KIAA1217: variants seen among roughly 807,000 people sequenced by gnomAD.
The protein encoded by KIAA1217 is sickle tail protein homolog.
In KIAA1217, 88 loss-of-function variants were observed where a neutral mutation model predicts 163.9. The observed-to-expected ratio is 0.54, with a 90% confidence interval of 0.45 to 0.64. The LOEUF is 0.64. KIAA1217 is among the 30% of genes least tolerant of loss of function. The pLI is 0.00. For synonymous variants in KIAA1217, 903 were observed against 923.1 expected (o/e 0.98, Z 0.39); for missense variants, 2,372 against 2,475.0 (o/e 0.96, Z 0.88).
intron 1 of KIAA1217, among the ~76,000 whole-genome samples, chr10:24,001,925 G>A (rs919798555): frequency 6.6e-6 from 1 of 152,102 alleles, no homozygotes; most frequent in Admixed American, 6.5e-5. Context: ...GGCAGATACT[G>A]GATATTCCAG....
chr10:24,015,196 G>T (rs1408541684), intron 2 of KIAA1217, among the ~76,000 whole-genome samples: 2 of 152,082 alleles, frequency 1.3e-5, no homozygotes, highest in Admixed American at 1.3e-4. Context: ...TTCCTATAAA[G>T]GGCTGTACAA....
chr10:24,208,508 G>T (rs1355159482), upstream of KIAA1217, among the ~76,000 whole-genome samples: 2 of 151,930 alleles, frequency 1.3e-5, no homozygotes, highest in Admixed American at 6.6e-5. Flanking sequence ...TGCAAATGAC[G>T]CTATACCTCT....
chr10:23,740,616 T>C (rs1309966943), intron 1 of KIAA1217, among the ~76,000 whole-genome samples: 1 of 152,120 alleles, frequency 6.6e-6, no homozygotes, highest in Non-Finnish European at 1.5e-5. Flanking sequence ...CATCTTGGCC[T>C]CCCAAGGTGC....
At chr10:23,837,737 C>T (rs1317602251) in intron 1 of KIAA1217, among the ~76,000 whole-genome samples, 1 of 152,030 alleles carries the variant, frequency 6.6e-6, no homozygotes, top group African/African-American at 2.4e-5. Context: ...GATGGGGTCT[C>T]ACTGTGTTGC....
chr10:24,294,553 T>C (rs909671718), intron 2 of KIAA1217, among the ~76,000 whole-genome samples: 4 of 152,116 alleles, frequency 2.6e-5, no homozygotes, highest in Non-Finnish European at 4.4e-5. Context: ...GAGGAGGAAA[T>C]AGACCACCGT....
At chr10:24,074,912 T>A (rs2061319639) in intron 2 of KIAA1217, among the ~76,000 whole-genome samples, 2 of 152,034 alleles carry the variant, frequency 1.3e-5, no homozygotes, top group African/African-American at 4.8e-5. Flanking sequence ...TTGTCCAGAT[T>A]GGCCTTGAAC....
chr10:24,457,173 A>C (rs1488085630), intron 5 of KIAA1217, among the ~76,000 whole-genome samples: 1 of 152,066 alleles, frequency 6.6e-6, no homozygotes, highest in East Asian at 1.9e-4. Flanking sequence ...TGTTGCTCTA[A>C]CGTTGCTTTT....
chr10:23,749,747 T>G (rs1238937541), intron 1 of KIAA1217, among the ~76,000 whole-genome samples: 4 of 152,194 alleles, frequency 2.6e-5, no homozygotes, highest in African/African-American at 9.6e-5. Context: ...CTACCTGTGA[T>G]TTCTGTCTTT....
intron 1 of KIAA1217, among the ~76,000 whole-genome samples, chr10:23,925,729 T>TAGAC (rs2131300751): frequency 6.6e-6 from 1 of 152,280 alleles, no homozygotes; most frequent in African/African-American, 2.4e-5. Context: ...TAAGTGACTG[T>TAGAC]AGACAGACTG....
intron 1 of KIAA1217, among the ~76,000 whole-genome samples, chr10:23,824,658 A>AAATTATATATAT (rs1837805755): frequency 1.9e-5 from 1 of 53,040 alleles, no homozygotes; most frequent in African/African-American, 6.5e-5. Context: ...AAATAAAAAA[A>AAATTATATATAT]ATATATATAT....
chr10:23,806,528 C>T (rs1399910982), intron 1 of KIAA1217, among the ~76,000 whole-genome samples: 1 of 151,996 alleles, frequency 6.6e-6, no homozygotes, highest in African/African-American at 2.4e-5. Context: ...CTAAGGATAC[C>T]ATTTTGCATT....
intron 2 of KIAA1217, among the ~76,000 whole-genome samples, chr10:24,032,788 C>T (rs936110918): frequency 2.6e-5 from 4 of 152,140 alleles, no homozygotes; most frequent in South Asian, 2.1e-4. Flanking sequence ...TTAGATTATA[C>T]GTTCAATAAT....
intron 1 of KIAA1217, among the ~76,000 whole-genome samples, chr10:23,805,787 G>A (rs1836706235): frequency 6.6e-6 from 1 of 151,990 alleles, no homozygotes; most frequent in Admixed American, 6.6e-5. Context: ...GCCGAGGCGG[G>A]TGGGTCCCCT....
chr10:24,382,839 CTTTTCT>C (rs1564580539), intron 3 of KIAA1217, among the ~76,000 whole-genome samples: 1 of 112,328 alleles, frequency 8.9e-6, no homozygotes, highest in East Asian at 2.5e-4. Flanking sequence ...TGTGGTTTTT[CTTTTCT>C]TTTTTTTTTT....
intron 1 of KIAA1217, among the ~76,000 whole-genome samples, chr10:23,814,634 C>A (rs1288233444): frequency 6.6e-6 from 1 of 152,206 alleles, no homozygotes; most frequent in Non-Finnish European, 1.5e-5. Context: ...GAGCCACTCA[C>A]AATCCACCAT....
At chr10:23,935,134 A>T (rs1843470773) in intron 1 of KIAA1217, among the ~76,000 whole-genome samples, 2 of 152,186 alleles carry the variant, frequency 1.3e-5, no homozygotes, top group Non-Finnish European at 2.9e-5. Flanking sequence ...GATGTACATA[A>T]GTACAGTCTA....
intron 1 of KIAA1217, among the ~76,000 whole-genome samples, chr10:23,777,954 CT>C (rs1322813122): frequency 1.3e-5 from 2 of 151,530 alleles, no homozygotes; most frequent in African/African-American, 4.9e-5. Context: ...TTTTCTTTTT[CT>C]TTTTTGAGAT....
intron 3 of KIAA1217, among the ~76,000 whole-genome samples, chr10:24,408,677 T>C (rs544073553): frequency 6.6e-6 from 1 of 152,340 alleles, no homozygotes; most frequent in South Asian, 2.1e-4. Context: ...CTGTTCTTTT[T>C]TGCCTGATAT....
rs563795203 is a variant in KIAA1217, at chr10:24,533,744, A to C, written c.3414+507A>C. 3.6e-4 allele frequency among the ~76,000 whole-genome samples: 55 copies of C among 152,336 alleles called. 1 individual carries two copies. In the South Asian group the frequency reaches 0.011, roughly 31 times the overall value. ...ATGTCATCTTTTCAGATATTCTGAA[A>C]AGCTGAATTATTTTGTTTTCCATTT... On this transcript the variant is annotated intron_variant, in intron 16 of 20. Transcript: ENST00000376454.
Sources: gnomAD v4.1 joint callset for allele counts (sites outside exome capture counted in the v4.1 genomes callset) on GRCh38, gnomAD v4.1.1 for gene constraint, MANE v1.5 for transcripts, NCBI Gene and HGNC (gene_info 2026-07-23, HGNC 2026-07-21) for gene names.